Variants in MCMBP observed in about 807,000 individuals in gnomAD.
The protein encoded by MCMBP is mini-chromosome maintenance complex-binding protein.
MCMBP carries 31 observed loss-of-function variants against 81.3 expected under a neutral mutation model. The observed-to-expected ratio is 0.38, with a 90% CI of 0.29 to 0.51. The LOEUF is 0.51. Ranked by LOEUF, MCMBP falls within the 20% of genes least tolerant of loss-of-function variation. The pLI is 0.87. For missense variants in MCMBP, 645 were observed against 772.1 expected, an observed-to-expected ratio of 0.84 and a Z score of 1.95; for synonymous variants, 267 against 275.9, an observed-to-expected ratio of 0.97 and a Z score of 0.32.
Position 119,849,406 on chromosome 10 carries a change from C to A in MCMBP, c.726+19G>T. 1.3e-6 allele frequency: 2 copies of A among 1,596,994 alleles called. No individual in the cohort carries two copies. The highest frequency in any genetic ancestry group is 4.5e-5 in the East Asian group (2 of 44,012). Reference sequence around the variant, plus strand: ...GACACATAACATTTCAGTGTTGGATCTACGAAAGGTTTTATTACCTTCACA... The same window carrying A: ...GACACATAACATTTCAGTGTTGGATATACGAAAGGTTTTATTACCTTCACA... On this transcript the variant is annotated intron_variant, in intron 7 of 15. Coordinates refer to ENST00000369077, the MANE Select transcript of MCMBP (RefSeq NM_001256378.2).
At chr10:119,840,139 G>A (rs1441128005) in intron 11 of MCMBP, among the ~76,000 whole-genome samples, 1 of 151,970 alleles carries the variant, frequency 6.6e-6, no homozygotes, top group Non-Finnish European at 1.5e-5. Flanking sequence ...TAATCATAAC[G>A]TGAAAAACAG....
chr10:119,848,631 C>G (rs1342091225), intron 7 of MCMBP, among the ~76,000 whole-genome samples: 1 of 151,732 alleles, frequency 6.6e-6, no homozygotes, highest in African/African-American at 2.4e-5. Context: ...ACAAAAAAAC[C>G]CCCCAAAAAC....
In MCMBP at chr10:119,843,352, G is replaced by A; in HGVS notation, c.902C>T (p.Ala301Val). The change falls in exon 9 of 16, where the codon GCT (alanine) becomes GTT (valine). Residue 301 changes from alanine to valine, a missense_variant. Ala to Val is a moderately conservative substitution (Grantham distance 64). Coordinates refer to ENST00000369077, the MANE Select transcript of MCMBP (RefSeq NM_001256378.2). The part of the protein sequence containing the change: ...AEEQRVHSPP[A>V]SLVPRIHVIL... ...CACATGAATTCTCGGCACTAATGAA[G>A]CAGGAGGACTGTGTACTCTCTGCTC... The A allele has an allele frequency of 6.2e-7, 1 of 1,614,100 alleles. No homozygotes were observed. Among genetic ancestry groups the A allele is most frequent in the Non-Finnish European group, 8.5e-7 (1 of 1,179,962 alleles).
intron 5 of MCMBP, among the ~76,000 whole-genome samples, chr10:119,856,075 T>G (rs1475343565): frequency 1.3e-5 from 2 of 151,744 alleles, no homozygotes; most frequent in African/African-American, 4.8e-5. Context: ...ATACAAAAAC[T>G]GGCGGGCATG....
At chr10:119,841,823 A>G (rs561369913) in intron 10 of MCMBP, among the ~76,000 whole-genome samples, 3 of 152,380 alleles carry the variant, frequency 2.0e-5, no homozygotes, top group South Asian at 2.1e-4. Context: ...AAACGTGCAC[A>G]TGACGTGGGC....
At chr10:119,867,462 T>C (rs535318789) in intron 1 of MCMBP, among the ~76,000 whole-genome samples, 26 of 152,238 alleles carry the variant, frequency 1.7e-4, no homozygotes, top group African/African-American at 6.3e-4. Context: ...GCTATTCTTC[T>C]TCTTTGAGAA....
intron 1 of MCMBP, among the ~76,000 whole-genome samples, chr10:119,861,177 A>C (rs901681338): frequency 2.0e-5 from 3 of 152,232 alleles, no homozygotes; most frequent in African/African-American, 7.2e-5. Context: ...ATCTGTTGAA[A>C]AGGACCATAA....
At chr10:119,847,816 C>T (rs1852670400) in intron 7 of MCMBP, 103 bp from the exon 8 acceptor site, 3 of 570,432 alleles carry the variant, frequency 5.3e-6, no homozygotes, top group Middle Eastern at 2.9e-4. Flanking sequence ...AGGAAACAGA[C>T]CTTAAAGCAA....
chr10:119,869,526 T>G (rs1364868755), intron 1 of MCMBP, among the ~76,000 whole-genome samples: 1 of 146,518 alleles, frequency 6.8e-6, no homozygotes, highest in East Asian at 2.0e-4. Flanking sequence ...GAGCCAAGAT[T>G]GTAACACTGC....
intron 11 of MCMBP, 25 bp downstream of exon 11, chr10:119,840,818 T>C: frequency 7.3e-7 from 1 of 1,378,418 alleles, no homozygotes; most frequent in Non-Finnish European, 1.0e-6. Context: ...CTTAGGTTTA[T>C]AATACATATT....
At chr10:119,836,869 C>T (rs1345584759) in intron 13 of MCMBP, 27 bp downstream of exon 13, 1 of 1,536,194 alleles carries the variant, frequency 6.5e-7, no homozygotes, top group East Asian at 2.4e-5. Context: ...TGTCAACCTC[C>T]CTCCATTTAA....
upstream of MCMBP, among the ~76,000 whole-genome samples, chr10:119,873,063 G>T (rs1853770338): frequency 6.6e-6 from 1 of 152,136 alleles, no homozygotes; most frequent in South Asian, 2.1e-4. Context: ...GCGGCGCGTT[G>T]TCGTTTGTAC....
chr10:119,843,349 G>A lies in MCMBP; in HGVS notation c.905C>T (p.Ser302Leu). 6.2e-7 allele frequency: 1 copy of A among 1,614,100 alleles called. No homozygotes were observed. Among genetic ancestry groups the A allele is most frequent in the Non-Finnish European group, 8.5e-7 (1 of 1,179,976 alleles). Residue 302 changes from serine to leucine, a missense_variant, in exon 9 of 16, where the codon TCA (serine) becomes TTA (leucine). By Grantham distance (145) the Ser-to-Leu change is moderately radical. Transcript: ENST00000369077. ...GATCACATGAATTCTCGGCACTAATGAAGCAGGAGGACTGTGTACTCTCTG... is the reference window on the plus strand; with the variant it reads ...GATCACATGAATTCTCGGCACTAATAAAGCAGGAGGACTGTGTACTCTCTG... ...EEQRVHSPPA[S>L]LVPRIHVILA...
rs762737469 is a variant in MCMBP, at chr10:119,857,451, A to G, written c.328-12T>C. ...AGTTCTTGTTGAGGCTGTGATATAC[A>G]TAAAAAGTGTTTTTAAAAATTTACT... On this transcript the variant is annotated splice_polypyrimidine_tract_variant and intron_variant, in intron 4 of 15. Coordinates refer to ENST00000369077, the MANE Select transcript of MCMBP (RefSeq NM_001256378.2). 5.2e-6 allele frequency: 8 copies of G among 1,539,206 alleles called. No individual in the cohort carries two copies. In the South Asian group the frequency reaches 8.7e-5, roughly 17 times the overall value.
intron 14 of MCMBP, among the ~76,000 whole-genome samples, chr10:119,832,661 G>A (rs1357605590): frequency 1.3e-5 from 2 of 152,028 alleles, no homozygotes. Flanking sequence ...CATTCCCGGA[G>A]AACTGTCATC....
chr10:119,834,458 C>A (rs951633980), intron 14 of MCMBP, among the ~76,000 whole-genome samples: 1 of 152,050 alleles, frequency 6.6e-6, no homozygotes, highest in African/African-American at 2.4e-5. Context: ...AGACTATAAA[C>A]CAAGAATTCT....
chr10:119,847,854 T>C lies in MCMBP; in HGVS notation c.727-141A>G, dbSNP rs1046303901. Reference sequence around the variant, plus strand: ...CCTTTATTTTATAAATTTTTATAAATTGAGACCAAGAGTCATTCTGCTAGT... The same window carrying C: ...CCTTTATTTTATAAATTTTTATAAACTGAGACCAAGAGTCATTCTGCTAGT... On this transcript the variant is annotated intron_variant, in intron 7 of 15. Coordinates refer to ENST00000369077, the MANE Select transcript of MCMBP (RefSeq NM_001256378.2). 6.1e-5 allele frequency: 29 copies of C among 476,562 alleles called. 1 individual carries two copies. The South Asian group carries it at 1.3e-3, about 21-fold the overall frequency. The allele number at this position is 476,562 out of a possible 1,614,324, so 29.5% of individuals were successfully genotyped here.
rs755382598 is a variant in MCMBP, at chr10:119,843,311, A to C, written c.943T>G (p.Leu315Val). 1.9e-6 allele frequency: 3 copies of C among 1,614,016 alleles called. No homozygotes were observed. In the East Asian group the frequency reaches 6.7e-5, roughly 36 times the overall value. The change falls in exon 9 of 16, where the codon TTG becomes GTG. Residue 315 changes from leucine (L) to valine (V), a missense_variant. By Grantham distance (32) the Leu-to-Val change is conservative (BLOSUM62 1). Coordinates refer to ENST00000369077, the MANE Select transcript of MCMBP (RefSeq NM_001256378.2). Reference protein sequence around the residue: ...PRIHVILAQKLQHINPLLPAC... With the variant: ...PRIHVILAQKVQHINPLLPAC... ...GGCAATAATGGGTTGATGTGTTGCAACTTCTGGGCTAAGATCACATGAATT... is the reference window on the plus strand; with the variant it reads ...GGCAATAATGGGTTGATGTGTTGCACCTTCTGGGCTAAGATCACATGAATT...
At chr10:119,839,566 A>T (rs2134348228) in intron 11 of MCMBP, among the ~76,000 whole-genome samples, 1 of 152,250 alleles carries the variant, frequency 6.6e-6, no homozygotes, top group East Asian at 1.9e-4. Context: ...AGGGCAAAGG[A>T]TCTGTTTCAA....
Sources: gnomAD v4.1 joint callset for allele counts (sites outside exome capture counted in the v4.1 genomes callset) on GRCh38, gnomAD v4.1.1 for gene constraint, MANE v1.5 for transcripts, NCBI Gene and HGNC (gene_info 2026-07-23, HGNC 2026-07-21) for gene names.